Variants in SHTN1 observed in about 807,000 individuals in gnomAD.
SHTN1 encodes the protein shootin-1.
Under a neutral mutation model 83.1 loss-of-function variants are expected in SHTN1, and 42 were observed. The observed-to-expected ratio is 0.51, with a 90% confidence interval of 0.39 to 0.65. The LOEUF is 0.65. Ranked by LOEUF, SHTN1 falls within the 30% of genes least tolerant of loss-of-function variation. The probability of loss-of-function intolerance (pLI) is 0.00; values close to 1 mark genes in which losing one functional copy is unlikely to be tolerated. For missense variants in SHTN1, 622 were observed against 737.8 expected, an observed-to-expected ratio of 0.84 and a Z score of 1.82; for synonymous variants, 224 against 247.7, an observed-to-expected ratio of 0.90 and a Z score of 0.90.
chr10:117,066,863 C>G (rs903813004), intron 1 of SHTN1, among the ~76,000 whole-genome samples: 3 of 152,162 alleles, frequency 2.0e-5, no homozygotes, highest in African/African-American at 4.8e-5. Context: ...AAATAACAGG[C>G]ATTACTGCTC....
chr10:117,065,733 AAAGAAAG>A (rs1490125947), intron 1 of SHTN1, among the ~76,000 whole-genome samples: 309 of 17,196 alleles, frequency 0.018, 73 homozygotes, highest in South Asian at 0.076. Context: ...GAGATGAAAG[AAAGAAAG>A]AAAGAAAGAA....
chr10:117,100,172 C>T (rs1853569333), intron 1 of SHTN1, among the ~76,000 whole-genome samples: 2 of 152,110 alleles, frequency 1.3e-5, no homozygotes, highest in South Asian at 2.1e-4. Flanking sequence ...AGCGAAACTC[C>T]GTCTCAAAAA....
chr10:116,979,376 C>A lies in SHTN1; in HGVS notation c.59-68G>T, dbSNP rs1850933815. The A allele has an allele frequency of 6.6e-6, 8 of 1,221,200 alleles. No homozygotes were observed. In the Admixed American group the frequency reaches 1.3e-4, roughly 21 times the overall value. The allele number at this position is 1,221,200 out of a possible 1,614,324, so 75.6% of individuals were successfully genotyped here. A position where few individuals can be genotyped will look rare whatever the true frequency, so the allele number is the denominator to read the frequency against. ...TTTACTGCAGGGCAACCTGGGGAAT[C>A]CAACTAACCCCCATAGTCTTCTTAC... On this transcript the variant is annotated intron_variant, in intron 1 of 16. Coordinates refer to ENST00000355371, the MANE Select transcript of SHTN1 (RefSeq NM_001127211.3).
chr10:117,011,706 C>T (rs1484309144), intron 2 of SHTN1, among the ~76,000 whole-genome samples: 2 of 151,736 alleles, frequency 1.3e-5, no homozygotes, highest in Non-Finnish European at 2.9e-5. Context: ...ATAACATTTA[C>T]AATAGCACTA....
chr10:117,004,101 G>A (rs1851920149), intron 1 of SHTN1, among the ~76,000 whole-genome samples: 1 of 151,954 alleles, frequency 6.6e-6, no homozygotes, highest in Admixed American at 6.6e-5. Flanking sequence ...TGGTTAGGCT[G>A]GTCTCGAACT....
chr10:116,936,140 G>T (rs1394038267), intron 9 of SHTN1, among the ~76,000 whole-genome samples: 4 of 151,958 alleles, frequency 2.6e-5, no homozygotes, highest in African/African-American at 9.7e-5. Flanking sequence ...TGATTTTTTT[G>T]AAGGATTTTT....
intron 9 of SHTN1, among the ~76,000 whole-genome samples, chr10:116,931,191 T>C (rs902039966): frequency 1.2e-4 from 18 of 152,126 alleles, no homozygotes; most frequent in African/African-American, 4.3e-4. Context: ...TTAGAAATTA[T>C]TTTTTAAAAT....
intron 16 of SHTN1, among the ~76,000 whole-genome samples, chr10:116,896,028 C>T (rs1242167919): frequency 6.6e-6 from 1 of 152,158 alleles, no homozygotes; most frequent in Non-Finnish European, 1.5e-5. Context: ...CTATAGCTAA[C>T]ATATACATCC....
chr10:117,123,927 G>C (rs914090838), intron 1 of SHTN1, among the ~76,000 whole-genome samples: 30 of 135,046 alleles, frequency 2.2e-4, no homozygotes, highest in African/African-American at 7.9e-4. Context: ...AAAAAAAATT[G>C]CTGGCCAGGC....
intron 3 of SHTN1, among the ~76,000 whole-genome samples, chr10:116,965,205 T>A (rs1850344964): frequency 6.6e-6 from 1 of 152,074 alleles, no homozygotes. Context: ...AAGCTTTTCC[T>A]AACCCTTAGT....
chr10:116,993,617 G>T (rs1214352234), intron 1 of SHTN1, among the ~76,000 whole-genome samples: 1 of 151,998 alleles, frequency 6.6e-6, no homozygotes, highest in Non-Finnish European at 1.5e-5. Context: ...ACATACACGT[G>T]CTGTAAAATG....
chr10:117,015,317 G>T (rs1428715334), intron 2 of SHTN1, among the ~76,000 whole-genome samples: 2 of 151,904 alleles, frequency 1.3e-5, no homozygotes, highest in Non-Finnish European at 2.9e-5. Flanking sequence ...GTTTGTTTTG[G>T]TTTTTTGTTT....
At chr10:117,067,671 G>T (rs920007158) in intron 1 of SHTN1, among the ~76,000 whole-genome samples, 1 of 152,172 alleles carries the variant, frequency 6.6e-6, no homozygotes, top group East Asian at 1.9e-4. Context: ...ATGGAAAGAA[G>T]ATCTGGAGGA....
intron 16 of SHTN1, among the ~76,000 whole-genome samples, chr10:116,897,267 A>C (rs1004807574): frequency 3.3e-5 from 5 of 152,210 alleles, no homozygotes; most frequent in African/African-American, 9.7e-5. Context: ...GTATTTTAAA[A>C]ATTAATTATT....
At chr10:116,959,023 C>G (rs565723961) in intron 4 of SHTN1, among the ~76,000 whole-genome samples, 37 of 152,276 alleles carry the variant, frequency 2.4e-4, no homozygotes, top group African/African-American at 7.9e-4. Flanking sequence ...CTAGAAGATT[C>G]AGAGCAGCTA....
intron 1 of SHTN1, among the ~76,000 whole-genome samples, chr10:117,076,921 G>T (rs1853165636): frequency 1.3e-5 from 2 of 152,100 alleles, no homozygotes; most frequent in South Asian, 4.2e-4. Flanking sequence ...TTAATTTAGG[G>T]TGTATAAAAG....
intron 3 of SHTN1, among the ~76,000 whole-genome samples, chr10:116,964,373 T>C (rs1359961802): frequency 6.6e-6 from 1 of 152,224 alleles, no homozygotes; most frequent in African/African-American, 2.4e-5. Context: ...CACAGAGTTC[T>C]AACTGGTAAA....
At chr10:116,896,991 G>A (rs1847546232) in intron 16 of SHTN1, among the ~76,000 whole-genome samples, 1 of 152,066 alleles carries the variant, frequency 6.6e-6, no homozygotes, top group South Asian at 2.1e-4. Flanking sequence ...ATTTTTAGTA[G>A]AGATAGGGTT....
At chr10:116,976,065 G>T (rs911622900) in intron 2 of SHTN1, among the ~76,000 whole-genome samples, 1 of 152,202 alleles carries the variant, frequency 6.6e-6, no homozygotes, top group African/African-American at 2.4e-5. Flanking sequence ...ATCGTGCTCA[G>T]AAGACCCATG....
Sources: allele counts gnomAD v4.1 joint callset (sites outside exome capture counted in the v4.1 genomes callset), GRCh38; gene constraint gnomAD v4.1.1; transcripts MANE v1.5; gene names NCBI Gene and HGNC (gene_info 2026-07-23, HGNC 2026-07-21).